The following DSC3 variants were observed in gnomAD, a reference collection of about 807,000 sequenced individuals.
DSC3 encodes desmocollin-3.
A neutral mutation model predicts 89.5 loss-of-function variants in DSC3; 97 were observed. The observed-to-expected ratio is 1.08, with a 90% CI of 0.92 to 1.28. DSC3 has a LOEUF of 1.28. DSC3 is among the 50% of genes most tolerant of loss of function. The pLI is 0.00. For missense variants in DSC3, 1,199 were observed against 1,085.3 expected, an observed-to-expected ratio of 1.10 and a Z score of -1.47; for synonymous variants, 436 against 384.1, an observed-to-expected ratio of 1.14 and a Z score of -1.58.
chr18:30,998,212 G>A (rs1309530134), intron 14 of DSC3, among the ~76,000 whole-genome samples: 3 of 152,152 alleles, frequency 2.0e-5, no homozygotes, highest in Non-Finnish European at 1.5e-5. Context: ...AAAATGATAA[G>A]GACCTAAGCC....
At chr18:31,010,238 C>A (rs2144695854) in intron 9 of DSC3, among the ~76,000 whole-genome samples, 1 of 152,190 alleles carries the variant, frequency 6.6e-6, no homozygotes, top group East Asian at 1.9e-4. Context: ...GTATGTATAT[C>A]CCACAAACTG....
At chr18:31,029,379 A>G in intron 4 of DSC3, 130 bp downstream of exon 4, 2 of 1,170,520 alleles carry the variant, frequency 1.7e-6, no homozygotes, top group Non-Finnish European at 2.4e-6. Flanking sequence ...TTCTCATTTT[A>G]CTTTTGTTAC....
chr18:31,034,703 A>G (rs555040956), intron 1 of DSC3, among the ~76,000 whole-genome samples: 25 of 152,328 alleles, frequency 1.6e-4, no homozygotes, highest in Admixed American at 8.5e-4. Context: ...CCTATAAAAC[A>G]TACTCGGTGA....
chr18:30,994,488 A>G, intron 15 of DSC3, 116 bp from the exon 16 acceptor site: 3 of 1,592,168 alleles, frequency 1.9e-6, no homozygotes, highest in Non-Finnish European at 2.6e-6. Context: ...TGTGTCCTCT[A>G]ATGGATTCCT....
At position 31,006,920 on chromosome 18, in the gene DSC3, G is replaced by A. The variant is rs139455403; in HGVS notation, c.1875C>T (p.Leu625=). The change falls in exon 12 of 16, where the codon CTC becomes CTT. Residue 625 remains leucine (L), a synonymous_variant. Coordinates refer to ENST00000360428, the MANE Select transcript of DSC3 (RefSeq NM_001941.5). The part of the protein sequence containing the change: ...TSPEISRLWS[L]TKVNDTAARL... Reference sequence around the variant, plus strand: ...TTTATTAAATACCATTAACTTTGGTGAGGCTCCACAGTCTACTGATTTCTG... The same window carrying A: ...TTTATTAAATACCATTAACTTTGGTAAGGCTCCACAGTCTACTGATTTCTG... 3.3e-5 allele frequency: 53 copies of A among 1,611,696 alleles called. No individual in the cohort carries two copies. In the African/African-American group the frequency reaches 6.3e-4, roughly 19 times the overall value.
rs1984344993 is a variant in DSC3 at position 30,993,494 on chromosome 18, T to C, written c.*681A>G. The C allele has an allele frequency of 6.6e-6, 1 of 152,294 alleles. No homozygotes were observed. Among genetic ancestry groups the C allele is most frequent in the Admixed American group, 6.5e-5 (1 of 15,286 alleles). The allele number at this position is 152,294 out of a possible 1,614,324, so 9.4% of individuals were successfully genotyped here. ...CCTAGGAAGCTCTCTCTTTTTTCTA[T>C]TGTAGGACAAACTATACCCCAGCCT... is the stretch of plus-strand genomic sequence containing the variant. On this transcript the variant is annotated 3_prime_UTR_variant, in exon 16 of 16. Coordinates refer to ENST00000360428, the MANE Select transcript of DSC3 (RefSeq NM_001941.5).
chr18:31,034,465 C>G (rs1985907336), intron 1 of DSC3, among the ~76,000 whole-genome samples: 1 of 152,152 alleles, frequency 6.6e-6, no homozygotes, highest in Non-Finnish European at 1.5e-5. Context: ...CTTTGGAAAA[C>G]AGTTTTGCAG....
intron 6 of DSC3, among the ~76,000 whole-genome samples, chr18:31,023,758 G>A (rs1004566091): frequency 6.6e-6 from 1 of 152,076 alleles, no homozygotes; most frequent in African/African-American, 2.4e-5. Context: ...CACATTTTAA[G>A]GGCCAGGTAA....
At position 30,989,729 on chromosome 18, in the gene DSC3, A is replaced by G. The variant is rs1157568372; in HGVS notation, c.*4446T>C. The stretch of plus-strand genomic sequence containing the variant: ...TACAGAAGCCCGTAAACATGTTCTG[A>G]ATACTATTTAATTTTTCTGCCCATG... On this transcript the variant is annotated 3_prime_UTR_variant, in exon 16 of 16. Coordinates refer to ENST00000360428, the MANE Select transcript of DSC3 (RefSeq NM_001941.5). Among the ~76,000 whole-genome samples the G allele has an allele frequency of 2.0e-5, 3 of 152,220 alleles. No homozygotes were observed. Among genetic ancestry groups the G allele is most frequent in the African/African-American group, 7.2e-5 (3 of 41,460 alleles).
Position 31,025,892 on chromosome 18 carries a change from G to A in DSC3, c.498C>T (p.Asn166=). 1.2e-6 allele frequency: 2 copies of A among 1,612,682 alleles called. No individual in the cohort carries two copies. The highest frequency in any genetic ancestry group is 8.5e-7 in the Non-Finnish European group (1 of 1,179,160). Residue 166 remains asparagine (N), a synonymous_variant, in exon 5 of 16, where the codon AAC becomes AAT. Coordinates refer to ENST00000360428, the MANE Select transcript of DSC3 (RefSeq NM_001941.5). ...LQQVESDAAQ[N]YTVFYSISGR... ...CACTTATTGAGTAGAAGACAGTATAGTTCTGTGCTGCATCAGATTCAACCT... is the reference window on the plus strand; with the variant it reads ...CACTTATTGAGTAGAAGACAGTATAATTCTGTGCTGCATCAGATTCAACCT...
At chr18:30,996,392 T>A (rs996328029) in intron 15 of DSC3, among the ~76,000 whole-genome samples, 6 of 152,184 alleles carry the variant, frequency 3.9e-5, no homozygotes, top group African/African-American at 1.4e-4. Context: ...TGCTATTTAA[T>A]CTTTATCCTA....
At chr18:31,017,957 T>G (rs1985288348) in intron 9 of DSC3, 114 bp downstream of exon 9, 1 of 873,038 alleles carries the variant, frequency 1.1e-6, no homozygotes, top group East Asian at 2.5e-5. Context: ...TTAAATAGAT[T>G]TTAAATTTTC....
At chr18:31,019,954 C>T (rs1259695789) in intron 7 of DSC3, among the ~76,000 whole-genome samples, 1 of 151,872 alleles carries the variant, frequency 6.6e-6, no homozygotes, top group East Asian at 1.9e-4. Context: ...TTTCAGGTGT[C>T]CCACTTGGAG....
chr18:31,008,256 G>T lies in DSC3; in HGVS notation c.1520+13C>A, dbSNP rs779350435. Reference sequence around the variant, plus strand: ...AATACATTATTAGTATGTGGTTATAGATTTATTTTTACCTTAAACCATTGC... The same window carrying T: ...AATACATTATTAGTATGTGGTTATATATTTATTTTTACCTTAAACCATTGC... On this transcript the variant is annotated intron_variant, in intron 10 of 15. Transcript: ENST00000360428. The T allele has an allele frequency of 6.2e-7, 1 of 1,613,564 alleles. No homozygotes were observed. The highest frequency in any genetic ancestry group is 1.1e-5 in the South Asian group (1 of 91,042).
chr18:30,994,196 T>G lies in DSC3; in HGVS notation c.2670A>C (p.Ala890=). 1 of 1,614,090 alleles carries G rather than the reference T, an allele frequency of 6.2e-7. No individual in the cohort carries two copies. Among genetic ancestry groups the G allele is most frequent in the Non-Finnish European group, 8.5e-7 (1 of 1,179,974 alleles). The change falls in exon 16 of 16, where the codon GCA becomes GCC. Residue 890 remains alanine (A), a synonymous_variant. Transcript: ENST00000360428. ...NNLEPKFITL[A]EACTKR The stretch of plus-strand genomic sequence containing the variant: ...GACATTATCTCTTTGTGCATGCTTC[T>G]GCTAATGTAATAAATTTGGGTTCCA...
rs1984667374 is a variant in DSC3 at position 31,001,690 on chromosome 18, T to C, written c.2163A>G (p.Lys721=). 6.2e-7 allele frequency: 1 copy of C among 1,611,038 alleles called. No individual in the cohort carries two copies. Among genetic ancestry groups the C allele is most frequent in the South Asian group, 1.1e-5 (1 of 90,224 alleles). ...VCGVFGATKG[K]RFPEDLAQQN... ...GCTGTGCTAAATCTTCAGGAAAACG[T>C]TTCCCTTTAGTTGCACCAAAAACTC... The change falls in exon 14 of 16, where the codon AAA becomes AAG. Residue 721 remains lysine (K), a synonymous_variant. Transcript: ENST00000360428.
chr18:30,996,441 C>A (rs1984468208), intron 15 of DSC3, among the ~76,000 whole-genome samples: 1 of 152,082 alleles, frequency 6.6e-6, no homozygotes, highest in Non-Finnish European at 1.5e-5. Context: ...CAGAGAAATA[C>A]AGATTTCATT....
intron 12 of DSC3, 61 bp downstream of exon 12, chr18:31,006,846 A>G (rs1344773673): frequency 7.5e-7 from 1 of 1,334,672 alleles, no homozygotes; most frequent in Non-Finnish European, 1.1e-6. Context: ...AAGCAAGTCA[A>G]TCTATCCTCC....
chr18:31,032,121 T>A, intron 2 of DSC3, 71 bp downstream of exon 2: 1 of 1,064,350 alleles, frequency 9.4e-7, no homozygotes, highest in Non-Finnish European at 1.5e-6. Context: ...AAGGCAAAGG[T>A]ATTATATCAT....
Sources: allele counts gnomAD v4.1 joint callset (sites outside exome capture counted in the v4.1 genomes callset), GRCh38; gene constraint gnomAD v4.1.1; transcripts MANE v1.5; gene names NCBI Gene and HGNC (gene_info 2026-07-23, HGNC 2026-07-21).